AIG1: variants seen among roughly 807,000 people sequenced by gnomAD.
AIG1 encodes androgen induced 1.
AIG1 carries 23 observed loss-of-function variants against 31.4 expected under a neutral mutation model. The ratio of observed to expected loss-of-function variants is 0.73; its 90% CI spans 0.53 to 1.04. AIG1 has a LOEUF of 1.04. Ranked by LOEUF, AIG1 falls within the 50% of genes least tolerant of loss-of-function variation. AIG1 has a pLI of 0.00. For missense variants in AIG1, 274 were observed against 295.0 expected (o/e 0.93, Z 0.52); for synonymous variants, 100 against 110.5 (o/e 0.90, Z 0.60).
intron 3 of AIG1, among the ~76,000 whole-genome samples, chr6:143,181,713 A>C (rs921975342): frequency 1.3e-5 from 2 of 152,184 alleles, no homozygotes; most frequent in African/African-American, 4.8e-5. Flanking sequence ...TGTGAGATAG[A>C]AAGACAAGGA....
chr6:143,269,437 A>G (rs960768554), intron 3 of AIG1, among the ~76,000 whole-genome samples: 7 of 152,210 alleles, frequency 4.6e-5, no homozygotes, highest in Admixed American at 2.0e-4. Context: ...ATCTGTGATC[A>G]TGTCCTATGA....
At chr6:143,244,185 A>G (rs1480353908) in intron 3 of AIG1, among the ~76,000 whole-genome samples, 2 of 152,232 alleles carry the variant, frequency 1.3e-5, no homozygotes, top group African/African-American at 4.8e-5. Context: ...AGGAATAACT[A>G]TTCCTGAAGG....
At chr6:143,238,695 C>T (rs1291741393) in intron 3 of AIG1, among the ~76,000 whole-genome samples, 1 of 152,224 alleles carries the variant, frequency 6.6e-6, no homozygotes, top group African/African-American at 2.4e-5. Flanking sequence ...CCATTTGGCC[C>T]TAGAAAAGCT....
intron 1 of AIG1, among the ~76,000 whole-genome samples, chr6:143,087,232 A>G (rs980839268): frequency 5.3e-5 from 8 of 152,018 alleles, no homozygotes; most frequent in Non-Finnish European, 1.2e-4. Flanking sequence ...TTGTTCTTAG[A>G]GCTCCCAAGA....
chr6:143,269,585 A>G (rs1796362925), intron 3 of AIG1, among the ~76,000 whole-genome samples: 1 of 152,246 alleles, frequency 6.6e-6, no homozygotes, highest in South Asian at 2.1e-4. Flanking sequence ...GTCATCAATA[A>G]CAGAATGAAT....
chr6:143,309,811 A>G (rs1026384622), intron 4 of AIG1, among the ~76,000 whole-genome samples: 1 of 150,824 alleles, frequency 6.6e-6, no homozygotes, highest in East Asian at 2.1e-4. Flanking sequence ...ATGAAGAAAG[A>G]TATGCTAACA....
chr6:143,154,303 A>G (rs1785514638), intron 2 of AIG1, among the ~76,000 whole-genome samples: 1 of 152,210 alleles, frequency 6.6e-6, no homozygotes, highest in African/African-American at 2.4e-5. Flanking sequence ...TCTCTGGCCC[A>G]TACATTGTTA....
chr6:143,315,158 G>T (rs2128710605), intron 4 of AIG1, among the ~76,000 whole-genome samples: 1 of 152,174 alleles, frequency 6.6e-6, no homozygotes, highest in South Asian at 2.1e-4. Context: ...CTAAAGCAAT[G>T]CGAAAATAAT....
chr6:143,091,769 G>T (rs989020150), intron 1 of AIG1, among the ~76,000 whole-genome samples: 2 of 152,124 alleles, frequency 1.3e-5, no homozygotes, highest in African/African-American at 2.4e-5. Context: ...AAAGTTAAAG[G>T]TTCCAAATAT....
At chr6:143,303,557 AG>A (rs1290624251) in intron 4 of AIG1, among the ~76,000 whole-genome samples, 3 of 152,194 alleles carry the variant, frequency 2.0e-5, no homozygotes, top group East Asian at 3.9e-4. Context: ...ATTATTTCTG[AG>A]GGCTCTGTTC....
intron 1 of AIG1, among the ~76,000 whole-genome samples, chr6:143,084,274 C>T (rs1778560013): frequency 6.6e-6 from 1 of 152,168 alleles, no homozygotes; most frequent in Non-Finnish European, 1.5e-5. Flanking sequence ...TCCCCTGGGG[C>T]AGTGGGCCTT....
intron 1 of AIG1, among the ~76,000 whole-genome samples, chr6:143,077,859 G>A (rs138246509): frequency 4.6e-5 from 7 of 152,166 alleles, no homozygotes; most frequent in African/African-American, 1.2e-4. Flanking sequence ...CTTTGAAGCC[G>A]CCACTTAATA....
chr6:143,119,726 C>T (rs985531282), intron 1 of AIG1, among the ~76,000 whole-genome samples: 7 of 152,060 alleles, frequency 4.6e-5, no homozygotes, highest in Admixed American at 4.6e-4. Flanking sequence ...GTCTGTAACC[C>T]CTATTTAGTG....
intron 3 of AIG1, among the ~76,000 whole-genome samples, chr6:143,230,315 A>G (rs1361990133): frequency 2.6e-5 from 4 of 151,688 alleles, no homozygotes; most frequent in Non-Finnish European, 5.9e-5. Flanking sequence ...AAGTAAAACT[A>G]TAACATGTAA....
Position 143,269,519 on chromosome 6 carries a change from A to G in AIG1, c.400-14591A>G, listed in dbSNP as rs184253513. 4.1e-4 allele frequency among the ~76,000 whole-genome samples: 62 copies of G among 152,338 alleles called. 1 individual carries two copies. In the Middle Eastern group the frequency reaches 0.027, roughly 67 times the overall value. ...CATGCCCACCAAAAGAAGAATACAC[A>G]CAAATGGGCATAGCAGCACTCTTGC... is the stretch of plus-strand genomic sequence containing the variant. On this transcript the variant is annotated intron_variant, in intron 3 of 5. Coordinates refer to ENST00000357847, the MANE Select transcript of AIG1 (RefSeq NM_016108.4).
chr6:143,286,934 C>T (rs1325899993), intron 4 of AIG1, among the ~76,000 whole-genome samples: 1 of 151,874 alleles, frequency 6.6e-6, no homozygotes, highest in South Asian at 2.1e-4. Context: ...TCCCATTGAG[C>T]TCCCATTCTC....
chr6:143,158,659 A>G (rs1786030226), intron 2 of AIG1, among the ~76,000 whole-genome samples: 1 of 152,188 alleles, frequency 6.6e-6, no homozygotes, highest in South Asian at 2.1e-4. Flanking sequence ...GTGAGGGACG[A>G]GCTATCTCAT....
intron 2 of AIG1, among the ~76,000 whole-genome samples, chr6:143,150,663 C>T (rs536471009): frequency 6.6e-6 from 1 of 151,936 alleles, no homozygotes; most frequent in African/African-American, 2.4e-5. Context: ...TTTGATGAAC[C>T]ACATTTGTGC....
intron 1 of AIG1, among the ~76,000 whole-genome samples, chr6:143,079,877 G>A (rs576375542): frequency 2.0e-4 from 30 of 149,008 alleles, no homozygotes; most frequent in South Asian, 6.4e-4. Flanking sequence ...TTGCCACTCC[G>A]TGCTCAAATG....
Sources: allele counts gnomAD v4.1 joint callset (sites outside exome capture counted in the v4.1 genomes callset), GRCh38; gene constraint gnomAD v4.1.1; transcripts MANE v1.5; gene names NCBI Gene and HGNC (gene_info 2026-07-23, HGNC 2026-07-21).